Variants in SPAG17 observed in about 807,000 individuals in gnomAD.
The protein encoded by SPAG17 is sperm associated antigen 17, also known as sperm-associated antigen 17.
A neutral mutation model predicts 273.6 loss-of-function variants in SPAG17; 169 were observed. That is an observed-to-expected ratio of 0.62 (90% CI 0.55 to 0.70). The LOEUF is 0.70. Ranked by LOEUF, SPAG17 falls within the 30% of genes least tolerant of loss-of-function variation. SPAG17 has a pLI of 0.00. For synonymous variants in SPAG17, 825 were observed against 873.2 expected, an observed-to-expected ratio of 0.94 and a Z score of 0.97; for missense variants, 2,557 against 2,627.8, an observed-to-expected ratio of 0.97 and a Z score of 0.59.
chr1:118,025,479 T>C, intron 26 of SPAG17, 63 bp from the exon 27 acceptor site: 1 of 1,157,162 alleles, frequency 8.6e-7, no homozygotes, highest in Admixed American at 2.7e-5. Context: ...TTTTATCATC[T>C]TGCTTAATTA....
intron 4 of SPAG17, among the ~76,000 whole-genome samples, 189 bp from the exon 5 acceptor site, chr1:118,102,115 G>A (rs1656108386): frequency 6.6e-6 from 1 of 152,196 alleles, no homozygotes; most frequent in Non-Finnish European, 1.5e-5. Flanking sequence ...GCACATTTAT[G>A]CATGAGGACT....
intron 16 of SPAG17, 72 bp downstream of exon 16, chr1:118,074,467 G>T: frequency 3.1e-6 from 4 of 1,286,364 alleles, no homozygotes; most frequent in Admixed American, 1.7e-5. Flanking sequence ...CTTTTTCAGT[G>T]TTTCTTACTC....
At chr1:118,132,467 AT>A (rs1397828954) in intron 3 of SPAG17, among the ~76,000 whole-genome samples, 1 of 152,192 alleles carries the variant, frequency 6.6e-6, no homozygotes, top group Non-Finnish European at 1.5e-5. Context: ...GAATTTAGGC[AT>A]TTTATTTATC....
At chr1:118,130,490 C>A (rs1657999454) in intron 3 of SPAG17, among the ~76,000 whole-genome samples, 1 of 152,154 alleles carries the variant, frequency 6.6e-6, no homozygotes, top group South Asian at 2.1e-4. Context: ...ACTTTCAGTG[C>A]TAAAACTGGG....
intron 1 of SPAG17, among the ~76,000 whole-genome samples, chr1:118,166,749 C>A (rs1660187371): frequency 6.6e-6 from 1 of 152,142 alleles, no homozygotes; most frequent in African/African-American, 2.4e-5. Flanking sequence ...CAACAAAAAA[C>A]TTTTACCATC....
At chr1:117,982,842 T>A (rs1655989443) in intron 42 of SPAG17, among the ~76,000 whole-genome samples, 1 of 152,088 alleles carries the variant, frequency 6.6e-6, no homozygotes, top group Non-Finnish European at 1.5e-5. Context: ...TGTTTTAGTT[T>A]AGAACAATCA....
At chr1:118,166,378 A>G (rs1660170357) in intron 1 of SPAG17, among the ~76,000 whole-genome samples, 1 of 152,208 alleles carries the variant, frequency 6.6e-6, no homozygotes, top group Non-Finnish European at 1.5e-5. Flanking sequence ...TCATGGCTAG[A>G]AAACTGGCTT....
intron 46 of SPAG17, among the ~76,000 whole-genome samples, chr1:117,968,228 T>G (rs936088888): frequency 2.6e-5 from 4 of 151,986 alleles, no homozygotes; most frequent in Non-Finnish European, 5.9e-5. Flanking sequence ...AAACCTACTA[T>G]CAAAAACTTA....
In SPAG17 at chr1:118,081,791, C is replaced by T. The variant is rs77339909; in HGVS notation, c.1763-149G>A. The T allele has an allele frequency of 1.2e-3, 781 of 644,714 alleles. 7 individuals carry two copies. The African/African-American group carries it at 0.013, about 11-fold the overall frequency. 39.9% of individuals were successfully genotyped at this position (644,714 alleles called of 1,614,324 possible). A position where few individuals can be genotyped will look rare whatever the true frequency, so the allele number is the denominator to read the frequency against. On this transcript the variant is annotated intron_variant, in intron 13 of 48. Transcript: ENST00000336338. The stretch of plus-strand genomic sequence containing the variant: ...TTGAGCTGATTTTAAACATTGGCTC[C>T]CCAGTCTGCCGCAAATATCAAAGGT...
At chr1:118,023,154 G>T in intron 28 of SPAG17, 150 bp downstream of exon 28, 1 of 475,568 alleles carries the variant, frequency 2.1e-6, no homozygotes, top group Non-Finnish European at 3.4e-6. Context: ...GTGATAGCAA[G>T]AATTCATTTA....
chr1:118,113,485 A>G (rs1039667220), intron 4 of SPAG17, among the ~76,000 whole-genome samples: 1 of 152,172 alleles, frequency 6.6e-6, no homozygotes, highest in African/African-American at 2.4e-5. Flanking sequence ...TCTCCCCTTT[A>G]CCAAGAGTAT....
chr1:118,106,137 G>T (rs1656381818), intron 4 of SPAG17, among the ~76,000 whole-genome samples: 1 of 152,150 alleles, frequency 6.6e-6, no homozygotes, highest in South Asian at 2.1e-4. Flanking sequence ...TGATGGGTCT[G>T]TCCCACAAAA....
intron 3 of SPAG17, among the ~76,000 whole-genome samples, chr1:118,116,909 C>T (rs1168237011): frequency 1.3e-5 from 2 of 152,122 alleles, no homozygotes; most frequent in Non-Finnish European, 2.9e-5. Context: ...GACATGATGG[C>T]TGTGATTTTT....
Position 118,078,499 on chromosome 1 carries a change from T to C in SPAG17, c.2209+2602A>G, listed in dbSNP as rs1654286486. On this transcript the variant is annotated intron_variant, in intron 15 of 48. Transcript: ENST00000336338. ...ATTCTAATTTTTTTGTGTATTGTTC[T>C]GAGTTTTCTACATACACAGTATTTA... is the stretch of plus-strand genomic sequence containing the variant. Among the ~76,000 whole-genome samples, 3 of 152,124 alleles carry C rather than the reference T, an allele frequency of 2.0e-5. No individual in the cohort carries two copies. The South Asian group carries it at 6.2e-4, about 31-fold the overall frequency.
intron 3 of SPAG17, 51 bp downstream of exon 3, chr1:118,150,492 A>G (rs775631937): frequency 1.8e-4 from 192 of 1,037,902 alleles, no homozygotes; most frequent in Non-Finnish European, 2.6e-4. Flanking sequence ...TATTACTTCA[A>G]TTCTTTTTTC....
intron 18 of SPAG17, among the ~76,000 whole-genome samples, chr1:118,062,517 T>C (rs1238620103): frequency 6.6e-6 from 1 of 151,742 alleles, no homozygotes; most frequent in East Asian, 1.9e-4. Flanking sequence ...CAAATAGTAG[T>C]CCTAGAAATA....
chr1:118,154,356 G>A (rs906108799), intron 1 of SPAG17, among the ~76,000 whole-genome samples: 1 of 152,158 alleles, frequency 6.6e-6, no homozygotes, highest in Non-Finnish European at 1.5e-5. Context: ...GGACCAGTCA[G>A]ACAATAATAA....
chr1:118,075,276 G>A (rs888378501), intron 15 of SPAG17, among the ~76,000 whole-genome samples: 1 of 152,150 alleles, frequency 6.6e-6, no homozygotes, highest in Admixed American at 6.5e-5. Flanking sequence ...ACCAATATGA[G>A]TCATGCACAC....
chr1:118,082,391 T>C (rs2102150575), intron 13 of SPAG17, among the ~76,000 whole-genome samples: 1 of 152,282 alleles, frequency 6.6e-6, no homozygotes, highest in East Asian at 1.9e-4. Flanking sequence ...AGATCAATAA[T>C]TCAGAAGTAA....
Sources: gnomAD v4.1 joint callset for allele counts (sites outside exome capture counted in the v4.1 genomes callset) on GRCh38, gnomAD v4.1.1 for gene constraint, MANE v1.5 for transcripts, NCBI Gene and HGNC (gene_info 2026-07-23, HGNC 2026-07-21) for gene names.